USO1: variants seen among roughly 807,000 people sequenced by gnomAD.
USO1 encodes USO1 vesicle transport factor, also known as general vesicular transport factor p115.
USO1 carries 57 observed loss-of-function variants against 124.5 expected under a neutral mutation model. The ratio of observed to expected loss-of-function variants is 0.46; its 90% CI spans 0.37 to 0.57. USO1 has a LOEUF of 0.57. Ranked by LOEUF, USO1 falls within the 20% of genes least tolerant of loss-of-function variation. The probability of loss-of-function intolerance (pLI) is 0.00; values close to 1 mark genes in which losing one functional copy is unlikely to be tolerated. For synonymous variants in USO1, 369 were observed against 362.8 expected (o/e 1.02, Z -0.19); for missense variants, 900 against 1,040.6 (o/e 0.86, Z 1.86).
At chr4:75,810,194 A>G (rs1434858878) in intron 21 of USO1, among the ~76,000 whole-genome samples, 1 of 152,206 alleles carries the variant, frequency 6.6e-6, no homozygotes, top group East Asian at 1.9e-4. Flanking sequence ...GGGCTTACCT[A>G]CCTTGAGGCA....
At chr4:75,797,063 A>G (rs573409107) in intron 13 of USO1, among the ~76,000 whole-genome samples, 16 of 151,928 alleles carry the variant, frequency 1.1e-4, no homozygotes, top group African/African-American at 3.6e-4. Flanking sequence ...ATATGTTAAC[A>G]CTTTGGAAGC....
At chr4:75,741,044 T>G (rs185309581) in intron 1 of USO1, among the ~76,000 whole-genome samples, 2 of 152,316 alleles carry the variant, frequency 1.3e-5, no homozygotes, top group East Asian at 3.9e-4. Flanking sequence ...TTAGGCAGTT[T>G]TGTTGTGCAA....
intron 1 of USO1, among the ~76,000 whole-genome samples, chr4:75,737,122 G>A (rs939261463): frequency 6.6e-6 from 1 of 152,108 alleles, no homozygotes; most frequent in African/African-American, 2.4e-5. Flanking sequence ...TAATGTAGTG[G>A]GAAAGCACTC....
Position 75,793,764 on chromosome 4 carries a change from T to A in USO1, c.1315T>A (p.Cys439Ser). 6.2e-7 allele frequency: 1 copy of A among 1,613,890 alleles called. No homozygotes were observed. Among genetic ancestry groups the A allele is most frequent in the Non-Finnish European group, 8.5e-7 (1 of 1,179,852 alleles). ...LFSTDSLSNW[C>S]AAVALAHALQ... ...TTCTACTGATTCACTTTCAAACTGG[T>A]GTGCTGCTGTGGCCCTTGCCCATGC... Residue 439 changes from cysteine (C) to serine (S), a missense_variant, in exon 13 of 24, where the codon TGT (cysteine) becomes AGT (serine). Cys to Ser is a moderately radical substitution (Grantham distance 112). Around this residue, in one of 2 missense-constraint regions of USO1, gnomAD observed 538 missense variants for 681.6 expected, o/e 0.79. Coordinates refer to ENST00000514213, the MANE Select transcript of USO1 (RefSeq NM_003715.4).
intron 8 of USO1, 33 bp from the exon 9 acceptor site, chr4:75,782,647 C>A (rs771362846): frequency 2.0e-6 from 3 of 1,521,238 alleles, no homozygotes; most frequent in African/African-American, 1.4e-5. Flanking sequence ...GTTTTACGAG[C>A]CTTAACGCTT....
chr4:75,762,494 CT>C (rs1006698146), intron 4 of USO1, among the ~76,000 whole-genome samples: 11 of 148,288 alleles, frequency 7.4e-5, no homozygotes, highest in South Asian at 2.1e-4. Context: ...TTTTTCCTTC[CT>C]TTTTTTTTTA....
At chr4:75,755,142 T>G (rs1048080742) in intron 3 of USO1, among the ~76,000 whole-genome samples, 2 of 152,160 alleles carry the variant, frequency 1.3e-5, no homozygotes, top group African/African-American at 2.4e-5. Context: ...GAGAGAAAAA[T>G]AGAAAGCCAC....
At chr4:75,758,108 TTTTG>T (rs1338302415) in intron 4 of USO1, among the ~76,000 whole-genome samples, 2 of 152,192 alleles carry the variant, frequency 1.3e-5, no homozygotes, top group African/African-American at 2.4e-5. Context: ...TCATTTTCTT[TTTTG>T]TTTTAAAATA....
At position 75,735,715 on chromosome 4, in the gene USO1, C is replaced by T. The variant is rs1299443329; in HGVS notation, c.66+10830C>T. 7.9e-5 allele frequency among the ~76,000 whole-genome samples: 12 copies of T among 152,128 alleles called. No individual in the cohort carries two copies. The South Asian group carries it at 2.3e-3, about 29-fold the overall frequency. On this transcript the variant is annotated intron_variant, in intron 1 of 23. Transcript: ENST00000514213. The stretch of plus-strand genomic sequence containing the variant: ...TTTAATTTTCTTGTAGAGACAGGGT[C>T]TTGCTATGTTGCCCAGGCTGGTCTT...
chr4:75,776,007 A>G (rs772925613), intron 8 of USO1, among the ~76,000 whole-genome samples: 2 of 152,206 alleles, frequency 1.3e-5, no homozygotes, highest in Non-Finnish European at 2.9e-5. Flanking sequence ...TTGAAATTAA[A>G]ATTAAGTAGA....
intron 1 of USO1, among the ~76,000 whole-genome samples, chr4:75,736,252 A>G (rs551595889): frequency 7.9e-4 from 116 of 146,566 alleles, no homozygotes; most frequent in African/African-American, 2.8e-3. Flanking sequence ...TTGTATTAGC[A>G]TATTTATTCT....
chr4:75,800,997 G>T (rs1722834460), intron 16 of USO1, 82 bp from the exon 17 acceptor site: 2 of 1,401,742 alleles, frequency 1.4e-6, no homozygotes, highest in Non-Finnish European at 1.9e-6. Context: ...ATGGAGTTAG[G>T]TTATATGTTT....
At chr4:75,724,915 G>T in intron 1 of USO1, 30 bp downstream of exon 1, 3 of 1,611,686 alleles carry the variant, frequency 1.9e-6, no homozygotes, top group Non-Finnish European at 2.5e-6. Flanking sequence ...TGGGACTTGG[G>T]AAGGGGTCCG....
In USO1 at chr4:75,746,743, A is replaced by G. The variant is rs543514082; in HGVS notation, c.67-5630A>G. ...AATAAGGCCTCAAGGTAGCAAAAGT[A>G]TAAGTTGCATAGTCCGTGTTCTCAA... On this transcript the variant is annotated intron_variant, in intron 1 of 23. Transcript: ENST00000514213. 5.3e-5 allele frequency among the ~76,000 whole-genome samples: 8 copies of G among 152,374 alleles called. No homozygotes were observed. In the East Asian group the frequency reaches 1.5e-3, roughly 29 times the overall value.
chr4:75,812,596 G>A (rs1723181234), intron 23 of USO1, among the ~76,000 whole-genome samples: 1 of 151,784 alleles, frequency 6.6e-6, no homozygotes, highest in South Asian at 2.1e-4. Flanking sequence ...TTTTCTTTTG[G>A]ACCGTAAGCC....
At chr4:75,805,783 C>T (rs1722981971) in intron 19 of USO1, among the ~76,000 whole-genome samples, 1 of 151,474 alleles carries the variant, frequency 6.6e-6, no homozygotes, top group African/African-American at 2.4e-5. Flanking sequence ...CTTCCTGGCT[C>T]ATTGAATTTA....
At chr4:75,755,153 A>G (rs1172089350) in intron 3 of USO1, among the ~76,000 whole-genome samples, 1 of 152,238 alleles carries the variant, frequency 6.6e-6, no homozygotes, top group African/African-American at 2.4e-5. Context: ...AGAAAGCCAC[A>G]GTGCCTTTTA....
At chr4:75,799,255 TATC>T (rs1271416969) in intron 13 of USO1, among the ~76,000 whole-genome samples, 1 of 152,138 alleles carries the variant, frequency 6.6e-6, no homozygotes, top group Non-Finnish European at 1.5e-5. Context: ...GTGACTGAAA[TATC>T]ATAAATTTGC....
chr4:75,799,806 G>A, intron 14 of USO1, 74 bp downstream of exon 14: 8 of 1,528,422 alleles, frequency 5.2e-6, no homozygotes, highest in Non-Finnish European at 7.1e-6. Context: ...ATTAGAAGTA[G>A]TTCTATGCCC....
Sources: gnomAD v4.1 joint callset for allele counts (sites outside exome capture counted in the v4.1 genomes callset) on GRCh38, gnomAD v4.1.1 for gene constraint, gnomAD v4.1.1 regional missense constraint, MANE v1.5 for transcripts, NCBI Gene and HGNC (gene_info 2026-07-23, HGNC 2026-07-21) for gene names.